Variants in DLC1 observed in about 807,000 individuals in gnomAD.
DLC1 encodes the protein DLC1 Rho GTPase activating protein, also known as rho GTPase-activating protein 7.
In DLC1, 54 loss-of-function variants were observed where a neutral mutation model predicts 140.3. The ratio of observed to expected loss-of-function variants is 0.38; its 90% CI spans 0.31 to 0.48. The LOEUF (loss-of-function observed/expected upper bound fraction) is 0.48, where lower values mean the gene tolerates loss of function less well. Among genes scored for constraint, DLC1 ranks in the 20% least tolerant of loss-of-function variants. The probability of loss-of-function intolerance (pLI) is 0.96; values close to 1 mark genes in which losing one functional copy is unlikely to be tolerated. For synonymous variants in DLC1, 986 were observed against 728.1 expected (o/e 1.35, Z -5.70); for missense variants, 2,536 against 1,907.0 (o/e 1.33, Z -6.14).
intron 2 of DLC1, among the ~76,000 whole-genome samples, chr8:13,471,782 G>C (rs1800221555): frequency 6.6e-6 from 1 of 152,132 alleles, no homozygotes; most frequent in South Asian, 2.1e-4. Flanking sequence ...CAGCCTTTCA[G>C]CAAAGTCCCT....
chr8:13,533,571 C>T (rs79989711), intron 1 of DLC1, among the ~76,000 whole-genome samples: 2,927 of 152,190 alleles, frequency 0.019, 97 homozygotes, highest in African/African-American at 0.066. Flanking sequence ...TTTTTCTGGA[C>T]GAGGAAGTTG....
Position 13,494,243 on chromosome 8 carries a change from T to C in DLC1, c.1023+4806A>G, listed in dbSNP as rs1370838835. On this transcript the variant is annotated intron_variant, in intron 2 of 17. Coordinates refer to ENST00000276297, the MANE Select transcript of DLC1 (RefSeq NM_182643.3). ...TTATGTTAGAGTGTATTCCTCAATA[T>C]TTATGTTATGAGTTATCTCTCAATA... Among the ~76,000 whole-genome samples the C allele has an allele frequency of 2.0e-5, 3 of 152,242 alleles. No individual in the cohort carries two copies. In the East Asian group the frequency reaches 5.8e-4, roughly 29 times the overall value.
chr8:13,585,276 G>T (rs966752297), intron 1 of DLC1, among the ~76,000 whole-genome samples: 6 of 152,160 alleles, frequency 3.9e-5, no homozygotes, highest in African/African-American at 1.4e-4. Context: ...AAAGAATGAA[G>T]AAATAGGCCT....
chr8:13,137,552 C>T (rs2128967950), intron 5 of DLC1, among the ~76,000 whole-genome samples: 1 of 150,328 alleles, frequency 6.7e-6, no homozygotes, highest in Non-Finnish European at 1.5e-5. Context: ...TGTTCACTGC[C>T]TGTCATGCTC....
At chr8:13,362,046 T>C (rs374564561) in intron 4 of DLC1, among the ~76,000 whole-genome samples, 122 of 152,250 alleles carry the variant, frequency 8.0e-4, no homozygotes, top group African/African-American at 2.9e-3. Flanking sequence ...TGTCAACCAC[T>C]AAACTTGAGA....
intron 4 of DLC1, among the ~76,000 whole-genome samples, chr8:13,345,378 A>G (rs954122652): frequency 2.6e-5 from 4 of 152,050 alleles, no homozygotes; most frequent in African/African-American, 9.7e-5. Context: ...GAGCGTAAAG[A>G]AAATGATTCT....
chr8:13,245,166 G>C (rs1282767637), intron 5 of DLC1, among the ~76,000 whole-genome samples: 1 of 152,176 alleles, frequency 6.6e-6, no homozygotes, highest in Non-Finnish European at 1.5e-5. Context: ...TGACTGCCCT[G>C]AGGTGGCCAC....
chr8:13,249,819 CTTCT>C (rs375199361), intron 5 of DLC1, among the ~76,000 whole-genome samples: 6 of 152,292 alleles, frequency 3.9e-5, no homozygotes, highest in African/African-American at 1.4e-4. Flanking sequence ...CCCATTGATC[CTTCT>C]TTTTCATTCT....
At chr8:13,140,396 C>G (rs1307607982) in intron 5 of DLC1, among the ~76,000 whole-genome samples, 1 of 152,030 alleles carries the variant, frequency 6.6e-6, no homozygotes, top group African/African-American at 2.4e-5. Flanking sequence ...TCATGCCTGG[C>G]TAACGTTTGT....
chr8:13,103,613 C>T (rs1253424728), intron 7 of DLC1, among the ~76,000 whole-genome samples: 2 of 151,908 alleles, frequency 1.3e-5, no homozygotes, highest in African/African-American at 4.8e-5. Flanking sequence ...CCGAGGCAGG[C>T]AGATCACCTG....
At chr8:13,114,641 T>G (rs139588964) in intron 6 of DLC1, among the ~76,000 whole-genome samples, 2,143 of 152,210 alleles carry the variant, frequency 0.014, 18 homozygotes, top group Middle Eastern at 0.031. Flanking sequence ...GTGGGAAAGA[T>G]ATCTGCAACA....
intron 5 of DLC1, among the ~76,000 whole-genome samples, chr8:13,219,421 T>C (rs1563174816): frequency 6.8e-6 from 1 of 146,768 alleles, no homozygotes; most frequent in East Asian, 2.0e-4. Context: ...CATATAATTA[T>C]ACTTATATAA....
chr8:13,539,120 T>C (rs796795891), intron 1 of DLC1, among the ~76,000 whole-genome samples: 8 of 152,348 alleles, frequency 5.3e-5, no homozygotes, highest in African/African-American at 1.9e-4. Context: ...AATCACTTTT[T>C]ATCTTGATTA....
intron 2 of DLC1, among the ~76,000 whole-genome samples, chr8:13,416,411 A>C (rs948304741): frequency 6.6e-6 from 1 of 152,216 alleles, no homozygotes; most frequent in Non-Finnish European, 1.5e-5. Flanking sequence ...TAAAACATGC[A>C]TATAAAAGAT....
At chr8:13,215,140 G>A (rs1828133959) in intron 5 of DLC1, among the ~76,000 whole-genome samples, 1 of 152,154 alleles carries the variant, frequency 6.6e-6, no homozygotes, top group Admixed American at 6.5e-5. Flanking sequence ...CATGCTAACG[G>A]AGCCTACTTT....
chr8:13,209,748 C>T (rs1675871178), intron 5 of DLC1, among the ~76,000 whole-genome samples: 2 of 152,124 alleles, frequency 1.3e-5, no homozygotes, highest in African/African-American at 4.8e-5. Flanking sequence ...TCTCTTGCTG[C>T]TACTTCCACC....
chr8:13,220,409 T>C (rs1828485602), intron 5 of DLC1, among the ~76,000 whole-genome samples: 1 of 152,196 alleles, frequency 6.6e-6, no homozygotes, highest in Non-Finnish European at 1.5e-5. Flanking sequence ...GGTGGAATTG[T>C]TGAGGAATGT....
chr8:13,317,755 T>C (rs1832914904), intron 4 of DLC1, among the ~76,000 whole-genome samples: 1 of 152,076 alleles, frequency 6.6e-6, no homozygotes, highest in Admixed American at 6.5e-5. Context: ...GAGGATTGCA[T>C]TTTCAAGGGC....
intron 1 of DLC1, among the ~76,000 whole-genome samples, chr8:13,562,529 T>C (rs1459915932): frequency 6.6e-6 from 1 of 152,234 alleles, no homozygotes; most frequent in South Asian, 2.1e-4. Context: ...ATATCATTTC[T>C]TATCCTTTAG....
Sources: gnomAD v4.1 joint callset for allele counts (sites outside exome capture counted in the v4.1 genomes callset) on GRCh38, gnomAD v4.1.1 for gene constraint, MANE v1.5 for transcripts, NCBI Gene and HGNC (gene_info 2026-07-23, HGNC 2026-07-21) for gene names.